Variants in ZFHX3 observed in about 807,000 individuals in gnomAD.
The protein encoded by ZFHX3 is zinc finger homeobox 3.
Under a neutral mutation model 279.1 loss-of-function variants are expected in ZFHX3, and 42 were observed. That is an observed-to-expected ratio of 0.15 (90% CI 0.12 to 0.19). The LOEUF (loss-of-function observed/expected upper bound fraction) is 0.19. Ranked by LOEUF, ZFHX3 falls within the 10% of genes least tolerant of loss-of-function variation. The pLI is 1.00. For missense variants in ZFHX3, 4,981 were observed against 4,754.0 expected (o/e 1.05, Z -1.40); for synonymous variants, 2,293 against 1,957.8 (o/e 1.17, Z -4.52).
intron 3 of ZFHX3, among the ~76,000 whole-genome samples, chr16:73,408,798 A>AT (rs2017412592): frequency 6.6e-6 from 1 of 151,996 alleles, no homozygotes; most frequent in African/African-American, 2.4e-5. Flanking sequence ...ATGGCTTTGC[A>AT]TGGAACTCAG....
chr16:72,963,835 G>C (rs1961701306), intron 1 of ZFHX3, among the ~76,000 whole-genome samples: 1 of 152,158 alleles, frequency 6.6e-6, no homozygotes, highest in Non-Finnish European at 1.5e-5. Context: ...TGTTGCTCCA[G>C]CTCCCGGAGA....
intron 7 of ZFHX3, among the ~76,000 whole-genome samples, chr16:73,118,182 C>A (rs1304918455): frequency 6.6e-6 from 1 of 152,076 alleles, no homozygotes; most frequent in Non-Finnish European, 1.5e-5. Context: ...CTTTCTATTG[C>A]CAGAGGTCTT....
intron 1 of ZFHX3, among the ~76,000 whole-genome samples, chr16:73,745,356 G>A (rs552001008): frequency 2.6e-5 from 4 of 152,296 alleles, no homozygotes; most frequent in Admixed American, 2.6e-4. Flanking sequence ...AGAGGACAAG[G>A]AGGCTAGTTT....
chr16:73,753,839 C>CA (rs1463797292), intron 1 of ZFHX3, among the ~76,000 whole-genome samples: 3 of 152,002 alleles, frequency 2.0e-5, no homozygotes, highest in Admixed American at 6.6e-5. Flanking sequence ...GATAGGCTGA[C>CA]AAAATATTAT....
chr16:73,441,596 G>A (rs891329955), intron 3 of ZFHX3, among the ~76,000 whole-genome samples: 3 of 152,064 alleles, frequency 2.0e-5, no homozygotes, highest in African/African-American at 7.2e-5. Context: ...CAGGGGTAAC[G>A]ACGCATACCA....
At chr16:73,190,279 G>C (rs558400894) in intron 5 of ZFHX3, among the ~76,000 whole-genome samples, 1 of 152,256 alleles carries the variant, frequency 6.6e-6, no homozygotes, top group Non-Finnish European at 1.5e-5. Flanking sequence ...TTTTTCCTTT[G>C]GTAATTGTTC....
chr16:73,047,558 A>G (rs1336201862), intron 1 of ZFHX3, among the ~76,000 whole-genome samples, 194 bp downstream of exon 1: 1 of 152,126 alleles, frequency 6.6e-6, no homozygotes, highest in African/African-American at 2.4e-5. Flanking sequence ...AGGAAGGAAG[A>G]GCTTTACTGT....
chr16:73,581,641 A>T lies in ZFHX3; in HGVS notation c.-1547+98539T>A, dbSNP rs983305751. Among the ~76,000 whole-genome samples the T allele has an allele frequency of 1.4e-3, 209 of 149,664 alleles. 4 individuals are homozygous for T. Among genetic ancestry groups the T allele is most frequent in the African/African-American group, 5.1e-3 (205 of 40,424 alleles). On this transcript the variant is annotated intron_variant, in intron 2 of 17. Coordinates refer to the ZFHX3 transcript ENST00000641206. Reference sequence around the variant, plus strand: ...TTAACATCCATATCACTGGTCAAGCATAAAACTTCGAATGTCTCTTTTTTT... The same window carrying T: ...TTAACATCCATATCACTGGTCAAGCTTAAAACTTCGAATGTCTCTTTTTTT...
chr16:73,867,166 G>A lies in ZFHX3; in HGVS notation c.-1608+24485C>T, dbSNP rs147485960. Reference sequence around the variant, plus strand: ...AGGGCTTTGGGATGAGGCATTTACAGTGCCTGCCATGACTCCATTTGCTGA... The same window carrying A: ...AGGGCTTTGGGATGAGGCATTTACAATGCCTGCCATGACTCCATTTGCTGA... On this transcript the variant is annotated intron_variant, in intron 1 of 17. Transcript: ENST00000641206. Among the ~76,000 whole-genome samples, 16 of 152,204 alleles carry A rather than the reference G, an allele frequency of 1.1e-4. No homozygotes were observed. In the East Asian group the frequency reaches 3.1e-3, roughly 29 times the overall value.
At chr16:73,814,517 G>A (rs1248062335) in intron 1 of ZFHX3, among the ~76,000 whole-genome samples, 1 of 151,764 alleles carries the variant, frequency 6.6e-6, no homozygotes, top group African/African-American at 2.4e-5. Flanking sequence ...TTTAAAATAC[G>A]TGATAGTTGT....
chr16:72,960,626 C>T (rs937262469), intron 1 of ZFHX3, among the ~76,000 whole-genome samples: 5 of 152,156 alleles, frequency 3.3e-5, no homozygotes, highest in African/African-American at 7.2e-5. Context: ...CCCGACTCCG[C>T]GCACTGTCTG....
chr16:73,772,548 T>G (rs1029537077), intron 1 of ZFHX3, among the ~76,000 whole-genome samples: 1 of 152,186 alleles, frequency 6.6e-6, no homozygotes, highest in African/African-American at 2.4e-5. Flanking sequence ...GCATACCTCG[T>G]TTGGGTGGTC....
At chr16:72,955,416 G>C (rs980863549) in intron 2 of ZFHX3, among the ~76,000 whole-genome samples, 2 of 152,204 alleles carry the variant, frequency 1.3e-5, no homozygotes, top group South Asian at 2.1e-4. Flanking sequence ...CAGACACTTG[G>C]TGTGAAAGCG....
intron 5 of ZFHX3, among the ~76,000 whole-genome samples, chr16:73,161,490 T>G (rs1567406355): frequency 6.6e-6 from 1 of 152,252 alleles, no homozygotes; most frequent in Non-Finnish European, 1.5e-5. Flanking sequence ...TATATGTCTT[T>G]GTGCCTCCAA....
chr16:73,053,745 T>G (rs1597138294), intron 1 of ZFHX3, among the ~76,000 whole-genome samples: 1 of 151,612 alleles, frequency 6.6e-6, no homozygotes, highest in Non-Finnish European at 1.5e-5. Flanking sequence ...AGGAGCACAC[T>G]CCCCCTTCCC....
chr16:73,024,508 C>T (rs1467895800), intron 1 of ZFHX3, among the ~76,000 whole-genome samples: 3 of 152,208 alleles, frequency 2.0e-5, no homozygotes, highest in Non-Finnish European at 4.4e-5. Context: ...CAAGTGGTAG[C>T]TGCAAATAAG....
intron 1 of ZFHX3, chr16:72,973,569 T>A (rs906904643): frequency 6.6e-6 from 1 of 152,256 alleles, no homozygotes; most frequent in African/African-American, 2.4e-5. Flanking sequence ...GCTCAAGTTG[T>A]ACTTGGCCAA....
chr16:72,826,546 G>A (rs143089730), intron 5 of ZFHX3, among the ~76,000 whole-genome samples: 82 of 152,264 alleles, frequency 5.4e-4, no homozygotes, highest in African/African-American at 1.9e-3. Flanking sequence ...AAGCTCAGAG[G>A]AGGTTGCTGG....
intron 1 of ZFHX3, among the ~76,000 whole-genome samples, chr16:73,857,860 A>C (rs902148164): frequency 1.3e-5 from 2 of 152,178 alleles, no homozygotes. Flanking sequence ...TCATCCCAGC[A>C]CTTTGGGAGA....
Sources: allele counts gnomAD v4.1 joint callset (sites outside exome capture counted in the v4.1 genomes callset), GRCh38; gene constraint gnomAD v4.1.1; transcripts MANE v1.5; gene names NCBI Gene and HGNC (gene_info 2026-07-23, HGNC 2026-07-21).